The following ARB2A variants were observed in gnomAD, a reference collection of about 807,000 sequenced individuals.
The protein encoded by ARB2A is cotranscriptional regulator ARB2A.
chr5:93,823,200 A>T, the ARB2A span, among the ~76,000 whole-genome samples: 9 of 152,206 alleles, frequency 5.9e-5, no homozygotes, highest in African/African-American at 2.2e-4. Context: ...AGATCCCATG[A>T]ATTCTTCACT....
the ARB2A span, among the ~76,000 whole-genome samples, chr5:93,841,856 G>A: frequency 1.3e-5 from 2 of 152,184 alleles, no homozygotes; most frequent in Non-Finnish European, 2.9e-5. Context: ...AGTATTGTGG[G>A]CCAGGTTGAC....
the ARB2A span, among the ~76,000 whole-genome samples, chr5:93,803,261 T>G: frequency 1.3e-5 from 2 of 152,058 alleles, no homozygotes; most frequent in African/African-American, 4.8e-5. Flanking sequence ...GACAAAAACA[T>G]TATACATATA....
At chr5:93,909,218 A>C in the ARB2A span, among the ~76,000 whole-genome samples, 1 of 151,200 alleles carries the variant, frequency 6.6e-6, no homozygotes, top group South Asian at 2.1e-4. Context: ...CATATGAATA[A>C]GTTTCCCTTT....
chr5:93,841,352 T>A, the ARB2A span, among the ~76,000 whole-genome samples: 1 of 152,194 alleles, frequency 6.6e-6, no homozygotes, highest in African/African-American at 2.4e-5. Context: ...AATACACTAT[T>A]AACAACTATT....
chr5:94,089,588 C>T, the ARB2A span, among the ~76,000 whole-genome samples: 6 of 113,218 alleles, frequency 5.3e-5, no homozygotes, highest in African/African-American at 9.8e-5. Context: ...GGTTTAAAAC[C>T]GTTTATACAC....
the ARB2A span, among the ~76,000 whole-genome samples, chr5:94,079,439 C>CT: frequency 2.0e-5 from 3 of 152,232 alleles, no homozygotes; most frequent in Admixed American, 2.0e-4. Flanking sequence ...CTTTGAAAAG[C>CT]TAAGTGAGCC....
the ARB2A span, among the ~76,000 whole-genome samples, chr5:93,940,597 CA>C: frequency 6.6e-6 from 1 of 151,736 alleles, no homozygotes; most frequent in South Asian, 2.1e-4. Context: ...TAAAATCAAA[CA>C]ATATCAGAAT....
chr5:93,689,967 C>T, the ARB2A span, among the ~76,000 whole-genome samples: 1 of 152,114 alleles, frequency 6.6e-6, no homozygotes, highest in Non-Finnish European at 1.5e-5. Context: ...GAACTCCCTC[C>T]CCTAGCCAAG....
chr5:93,950,754 C>G, the ARB2A span, among the ~76,000 whole-genome samples: 1 of 151,740 alleles, frequency 6.6e-6, no homozygotes, highest in Middle Eastern at 3.2e-3. Flanking sequence ...ACTAGCCTGG[C>G]CAACAGGGTC....
chr5:93,741,713 A>G, the ARB2A span: 1 of 900,738 alleles, frequency 1.1e-6, no homozygotes, highest in East Asian at 2.7e-5. Context: ...GAAATCTGGT[A>G]GATCCATAGG....
At chr5:94,039,163 T>C in the ARB2A span, among the ~76,000 whole-genome samples, 2 of 152,188 alleles carry the variant, frequency 1.3e-5, no homozygotes, top group Non-Finnish European at 2.9e-5. Flanking sequence ...TAAATCATAA[T>C]GATAAACATC....
chr5:93,626,615 C>T, the ARB2A span, among the ~76,000 whole-genome samples: 3 of 152,196 alleles, frequency 2.0e-5, no homozygotes, highest in Admixed American at 6.5e-5. Flanking sequence ...ACACTATGCT[C>T]CAGTCTACTA....
At chr5:93,901,720 A>G in the ARB2A span, among the ~76,000 whole-genome samples, 1 of 152,148 alleles carries the variant, frequency 6.6e-6, no homozygotes, top group Non-Finnish European at 1.5e-5. Flanking sequence ...CTGGACTGGT[A>G]GTTGGAAGAT....
At chr5:93,854,432 G>C in the ARB2A span, among the ~76,000 whole-genome samples, 2 of 152,068 alleles carry the variant, frequency 1.3e-5, no homozygotes, top group Admixed American at 1.3e-4. Context: ...ATTTTTTGAA[G>C]GGTTTTTTGT....
At chr5:93,654,266 T>G in the ARB2A span, among the ~76,000 whole-genome samples, 109 of 152,334 alleles carry the variant, frequency 7.2e-4, no homozygotes, top group African/African-American at 2.5e-3. Flanking sequence ...GCAAGGGCTC[T>G]GTGTAATAGT....
At chr5:93,670,268 T>A in the ARB2A span, among the ~76,000 whole-genome samples, 3 of 152,198 alleles carry the variant, frequency 2.0e-5, no homozygotes, top group Admixed American at 1.3e-4. Context: ...ATAGATATGA[T>A]CACTATCCAA....
At chr5:94,076,181 G>A in the ARB2A span, among the ~76,000 whole-genome samples, 1 of 151,864 alleles carries the variant, frequency 6.6e-6, no homozygotes, top group Non-Finnish European at 1.5e-5. Flanking sequence ...ACGAAATGTC[G>A]CTTCAACATT....
At chr5:93,690,636 A>G in the ARB2A span, among the ~76,000 whole-genome samples, 1 of 152,114 alleles carries the variant, frequency 6.6e-6, no homozygotes, top group African/African-American at 2.4e-5. Context: ...GCTTCAGCAG[A>G]ATTAAATGTT....
chr5:93,973,004 A>G, the ARB2A span, among the ~76,000 whole-genome samples: 2 of 151,986 alleles, frequency 1.3e-5, no homozygotes, highest in African/African-American at 4.8e-5. Flanking sequence ...GCTGGAATGC[A>G]GTAGCATGAT....
Sources: gnomAD v4.1 joint callset for allele counts (sites outside exome capture counted in the v4.1 genomes callset) on GRCh38, gnomAD v4.1.1 for gene constraint, MANE v1.5 for transcripts, NCBI Gene and HGNC (gene_info 2026-07-23, HGNC 2026-07-21) for gene names.